Variants in BUB1B observed in about 807,000 individuals in gnomAD.
The protein encoded by BUB1B is mitotic checkpoint serine/threonine-protein kinase BUB1 beta.
In BUB1B, 86 loss-of-function variants were observed where a neutral mutation model predicts 137.7. The observed-to-expected ratio is 0.62, with a 90% CI of 0.52 to 0.75. BUB1B has a LOEUF of 0.75. Among genes scored for constraint, BUB1B ranks in the 30% least tolerant of loss-of-function variants. The pLI is 0.00. For missense variants in BUB1B, 1,130 were observed against 1,236.9 expected (o/e 0.91, Z 1.30); for synonymous variants, 420 against 417.9 (o/e 1.00, Z -0.06).
chr15:40,206,407 A>C lies in BUB1B; in HGVS notation c.1958A>C (p.Gln653Pro). ...DLDVKTSEDQ[Q>P]TACGTIYSQT... ...GATGTAAAGACCTCTGAGGACCAGC[A>C]GACAGCTTGTGGCACTATCTACAGT... The change falls in exon 15 of 23, where the codon CAG becomes CCG. Residue 653 changes from glutamine to proline, a missense_variant. Physicochemically the swap from Gln to Pro is moderately conservative, Grantham distance 76. Coordinates refer to ENST00000287598, the MANE Select transcript of BUB1B (RefSeq NM_001211.6). 6.2e-7 allele frequency: 1 copy of C among 1,614,238 alleles called. No individual in the cohort carries two copies. The highest frequency in any genetic ancestry group is 8.5e-7 in the Non-Finnish European group (1 of 1,180,038).
intron 8 of BUB1B, among the ~76,000 whole-genome samples, chr15:40,189,219 G>C (rs147407874): frequency 2.0e-4 from 31 of 152,224 alleles, no homozygotes; most frequent in African/African-American, 5.1e-4. Context: ...GAGTACATTG[G>C]TGCAATCTCT....
At position 40,212,619 on chromosome 15, in the gene BUB1B, C is replaced by T. The variant is rs546607638; in HGVS notation, c.2506C>T (p.His836Tyr). ...YQYQDGCIVWHQYINCFTLQD... is the reference protein window; with the variant it reads ...YQYQDGCIVWYQYINCFTLQD... ...ATATCAAGATGGCTGTATTGTTTGG[C>T]ACCAATATATAAACTGCTTCACCCT... The change falls in exon 19 of 23, where the codon CAC becomes TAC. Residue 836 changes from histidine to tyrosine, a missense_variant. His to Tyr is a moderately conservative substitution (Grantham distance 83). Transcript: ENST00000287598. 4.3e-6 allele frequency: 7 copies of T among 1,613,464 alleles called. No homozygotes were observed. In the South Asian group the frequency reaches 4.4e-5, roughly 10 times the overall value.
chr15:40,209,348 G>C (rs2037680117), intron 16 of BUB1B, among the ~76,000 whole-genome samples: 1 of 152,230 alleles, frequency 6.6e-6, no homozygotes, highest in South Asian at 2.1e-4. Flanking sequence ...GTGAACCCGG[G>C]AGGCGGAGCT....
Position 40,208,730 on chromosome 15 carries a change from T to G in BUB1B, c.2103T>G (p.Leu701=). The change falls in exon 16 of 23, where the codon CTT becomes CTG. Residue 701 remains leucine (L), a synonymous_variant. Coordinates refer to ENST00000287598, the MANE Select transcript of BUB1B (RefSeq NM_001211.6). ...SVASTSSIKC[L]QIPEKLELTN... ...CAAGCACCTCCTCCATCAAATGTCT[T>G]CAAATTCCTGAGAAACTAGAACTTA... 1 of 1,613,664 alleles carries G rather than the reference T, an allele frequency of 6.2e-7. No homozygotes were observed. Among genetic ancestry groups the G allele is most frequent in the Non-Finnish European group, 8.5e-7 (1 of 1,179,558 alleles).
intron 11 of BUB1B, 145 bp from the exon 12 acceptor site, chr15:40,200,786 C>T: frequency 1.4e-6 from 1 of 694,874 alleles, no homozygotes. Flanking sequence ...AAGCTTCCAT[C>T]TTCTTTAAGA....
In BUB1B at chr15:40,176,544, T is replaced by G; in HGVS notation, c.452T>G (p.Leu151Arg). 1 of 1,614,168 alleles carries G rather than the reference T, an allele frequency of 6.2e-7. No individual in the cohort carries two copies. The highest frequency in any genetic ancestry group is 8.5e-7 in the Non-Finnish European group (1 of 1,180,006). The change falls in exon 5 of 23, where the codon CTT becomes CGT. Residue 151 changes from leucine (L) to arginine (R), a missense_variant. Coordinates refer to ENST00000287598, the MANE Select transcript of BUB1B (RefSeq NM_001211.6). ...CACAACCAAGGGATTGGTGTTTCAC[T>G]TGCTCAGTTCTATATCTCATGGGCA... ...YLHNQGIGVS[L>R]AQFYISWAEE...
At chr15:40,208,614 T>G in intron 15 of BUB1B, 23 bp from the exon 16 acceptor site, 1 of 1,591,248 alleles carries the variant, frequency 6.3e-7, no homozygotes, top group Non-Finnish European at 8.6e-7. Flanking sequence ...CTATAAGAAT[T>G]AACTTATTTT....
chr15:40,214,922 C>A (rs1207177395), intron 20 of BUB1B, among the ~76,000 whole-genome samples: 1 of 129,574 alleles, frequency 7.7e-6, no homozygotes, highest in African/African-American at 2.9e-5. Context: ...AGTATGAGAA[C>A]CCCTGGTATA....
At chr15:40,203,545 A>G (rs2037601123) in intron 14 of BUB1B, among the ~76,000 whole-genome samples, 1 of 152,214 alleles carries the variant, frequency 6.6e-6, no homozygotes, top group Non-Finnish European at 1.5e-5. Flanking sequence ...TATATGAATT[A>G]TATCTCAATT....
intron 6 of BUB1B, among the ~76,000 whole-genome samples, chr15:40,184,311 A>T (rs565027878): frequency 1.5e-4 from 22 of 145,980 alleles, no homozygotes; most frequent in Admixed American, 1.5e-3. Context: ...ATTAACATGG[A>T]CTTTTTTTTT....
At chr15:40,204,074 ATT>A (rs1324944423) in intron 14 of BUB1B, among the ~76,000 whole-genome samples, 1 of 152,122 alleles carries the variant, frequency 6.6e-6, no homozygotes, top group African/African-American at 2.4e-5. Flanking sequence ...AGCTAGATGA[ATT>A]TTTCCATGCA....
intron 9 of BUB1B, among the ~76,000 whole-genome samples, chr15:40,199,285 C>T (rs764496302): frequency 4.6e-5 from 7 of 152,224 alleles, no homozygotes; most frequent in South Asian, 2.1e-4. Flanking sequence ...GTGTGTGTTG[C>T]CCCCAAATTT....
rs2037036777 is a variant in BUB1B, at chr15:40,161,079, G to C, written c.-142G>C. The C allele has an allele frequency of 8.9e-7, 1 of 1,126,466 alleles. No individual in the cohort carries two copies. The highest frequency in any genetic ancestry group is 1.3e-6 in the Non-Finnish European group (1 of 792,446). The allele number at this position is 1,126,466 out of a possible 1,614,324, so 69.8% of individuals were successfully genotyped here. The stretch of plus-strand genomic sequence containing the variant: ...TTGGCGGCTAGGGGTGTGGGCTTGA[G>C]GTGGCCGGTTTGTTAGGGAGTCGTG... On this transcript the variant is annotated 5_prime_UTR_variant, in exon 1 of 23. Transcript: ENST00000287598.
intron 22 of BUB1B, 25 bp from the exon 23 acceptor site, chr15:40,220,539 T>C: frequency 6.2e-7 from 1 of 1,611,006 alleles, no homozygotes; most frequent in Non-Finnish European, 8.5e-7. Flanking sequence ...CTAATCTTGA[T>C]GGAAATGGTT....
intron 15 of BUB1B, among the ~76,000 whole-genome samples, chr15:40,207,051 C>A (rs1169635007): frequency 1.3e-5 from 2 of 152,178 alleles, no homozygotes; most frequent in African/African-American, 4.8e-5. Flanking sequence ...CTCAGGTGAT[C>A]CACCCGCCTC....
In BUB1B at chr15:40,208,684, C is replaced by T; in HGVS notation, c.2057C>T (p.Ser686Phe). 6.2e-7 allele frequency: 1 copy of T among 1,613,982 alleles called. No homozygotes were observed. The highest frequency in any genetic ancestry group is 8.5e-7 in the Non-Finnish European group (1 of 1,179,850). The change falls in exon 16 of 23, where the codon TCT (serine) becomes TTT (phenylalanine). Residue 686 changes from serine (S) to phenylalanine (F), a missense_variant. Transcript: ENST00000287598. Reference protein sequence around the residue: ...SREATHSSGFSGSSASVASTS... With the variant: ...SREATHSSGFFGSSASVASTS... ...GAAGCCACACACTCCTCTGGCTTCT[C>T]TGGTTCTTCTGCCTCGGTTGCAAGC...
intron 20 of BUB1B, among the ~76,000 whole-genome samples, chr15:40,215,606 A>G (rs2037768180): frequency 6.6e-6 from 1 of 152,190 alleles, no homozygotes; most frequent in Admixed American, 6.5e-5. Flanking sequence ...TGTCTCTACT[A>G]AAAATACAAC....
chr15:40,163,147 G>A (rs1243772576), intron 1 of BUB1B, among the ~76,000 whole-genome samples: 1 of 152,184 alleles, frequency 6.6e-6, no homozygotes, highest in Non-Finnish European at 1.5e-5. Context: ...TGCTCCCTGT[G>A]ATGGAGTGGT....
intron 2 of BUB1B, chr15:40,166,599 C>T (rs2037101490): frequency 4.5e-6 from 1 of 220,292 alleles, no homozygotes; most frequent in Admixed American, 5.5e-5. Flanking sequence ...CTCAGCCTCC[C>T]AAAGTGCTGG....
Sources: allele counts gnomAD v4.1 joint callset (sites outside exome capture counted in the v4.1 genomes callset), GRCh38; gene constraint gnomAD v4.1.1; transcripts MANE v1.5; gene names NCBI Gene and HGNC (gene_info 2026-07-23, HGNC 2026-07-21).